PTPRD: variants seen among roughly 807,000 people sequenced by gnomAD.
The protein encoded by PTPRD is receptor-type tyrosine-protein phosphatase delta.
Under a neutral mutation model 214.5 loss-of-function variants are expected in PTPRD, and 34 were observed. The observed-to-expected ratio is 0.16, with a 90% CI of 0.12 to 0.21. PTPRD has a LOEUF of 0.21. Among genes scored for constraint, PTPRD ranks in the 10% least tolerant of loss-of-function variants. The probability of loss-of-function intolerance (pLI) is 1.00; values close to 1 mark genes in which losing one functional copy is unlikely to be tolerated. For synonymous variants in PTPRD, 1,128 were observed against 845.7 expected, an observed-to-expected ratio of 1.33 and a Z score of -5.79; for missense variants, 2,545 against 2,398.7, an observed-to-expected ratio of 1.06 and a Z score of -1.27.
intron 11 of PTPRD, among the ~76,000 whole-genome samples, chr9:8,800,987 T>C (rs1398504915): frequency 2.0e-5 from 3 of 152,234 alleles, no homozygotes; most frequent in Admixed American, 6.5e-5. Flanking sequence ...GGGGCTATGA[T>C]ACAAATACTT....
intron 9 of PTPRD, among the ~76,000 whole-genome samples, chr9:9,298,238 G>A (rs1013355557): frequency 1.3e-5 from 2 of 151,592 alleles, no homozygotes; most frequent in Non-Finnish European, 3.0e-5. Context: ...AGAAACAAAT[G>A]CAAGCAGAGT....
chr9:8,352,311 C>T (rs1170776775), intron 39 of PTPRD, among the ~76,000 whole-genome samples: 1 of 152,166 alleles, frequency 6.6e-6, no homozygotes, highest in Non-Finnish European at 1.5e-5. Flanking sequence ...ATGGATAGAG[C>T]AGACTCAGCT....
At chr9:8,439,068 C>T (rs1317315757) in intron 34 of PTPRD, among the ~76,000 whole-genome samples, 4 of 152,024 alleles carry the variant, frequency 2.6e-5, no homozygotes, top group Non-Finnish European at 4.4e-5. Context: ...ATTAAAGAAT[C>T]GCTACATAAA....
In PTPRD at chr9:8,332,300, C is replaced by G. The variant is rs186524436; in HGVS notation, c.5380-564G>C. On this transcript the variant is annotated intron_variant, in intron 43 of 45. Coordinates refer to ENST00000381196, the MANE Select transcript of PTPRD (RefSeq NM_002839.4). ...ATGGTGAAATTTAAAGTATCTGACACAAACCCGGTAGTTGCTGTTAACCTG... is the reference window on the plus strand; with the variant it reads ...ATGGTGAAATTTAAAGTATCTGACAGAAACCCGGTAGTTGCTGTTAACCTG... 1.1e-3 allele frequency among the ~76,000 whole-genome samples: 167 copies of G among 152,214 alleles called. 1 individual carries two copies. The highest frequency in any genetic ancestry group is 3.9e-3 in the African/African-American group (164 of 41,566).
chr9:8,401,974 T>C (rs2092451930), intron 36 of PTPRD, among the ~76,000 whole-genome samples: 1 of 152,226 alleles, frequency 6.6e-6, no homozygotes, highest in Non-Finnish European at 1.5e-5. Context: ...GGCCCTGTAT[T>C]ATCAAAGCTG....
At position 8,856,583 on chromosome 9, in the gene PTPRD, C is replaced by T. The variant is rs541978607; in HGVS notation, c.-103-122637G>A. 1.8e-3 allele frequency among the ~76,000 whole-genome samples: 280 copies of T among 152,166 alleles called. 1 individual carries two copies. The highest frequency in any genetic ancestry group is 3.4e-3 in the Middle Eastern group (1 of 294). ...TAAGAGGAAATACAAGGAGAACGAG[C>T]CCTCAGGAATCTTCCTAGATACTTA... On this transcript the variant is annotated intron_variant, in intron 11 of 45. Coordinates refer to ENST00000381196, the MANE Select transcript of PTPRD (RefSeq NM_002839.4).
chr9:10,232,288 T>C (rs888544958), intron 3 of PTPRD, among the ~76,000 whole-genome samples: 2 of 151,976 alleles, frequency 1.3e-5, no homozygotes, highest in African/African-American at 4.8e-5. Flanking sequence ...TGACAGGTTC[T>C]TAATGAGATA....
chr9:10,216,652 A>T (rs2099542528), intron 3 of PTPRD, among the ~76,000 whole-genome samples: 2 of 152,018 alleles, frequency 1.3e-5, no homozygotes, highest in Non-Finnish European at 2.9e-5. Flanking sequence ...GATGCTTATA[A>T]AACTTATTCT....
chr9:9,345,377 A>G (rs2137658999), intron 9 of PTPRD, among the ~76,000 whole-genome samples: 1 of 152,160 alleles, frequency 6.6e-6, no homozygotes, highest in East Asian at 1.9e-4. Context: ...TTTGATCAGT[A>G]TGAGACATGG....
At chr9:8,861,923 A>G (rs2098113921) in intron 11 of PTPRD, 1 of 152,218 alleles carries the variant, frequency 6.6e-6, no homozygotes, top group Non-Finnish European at 1.5e-5. Flanking sequence ...CATAAATGAA[A>G]CAATAATAGT....
intron 5 of PTPRD, among the ~76,000 whole-genome samples, chr9:9,784,438 G>C (rs540019771): frequency 5.9e-5 from 9 of 152,094 alleles, no homozygotes; most frequent in Non-Finnish European, 1.3e-4. Flanking sequence ...GAAGGAAAAA[G>C]ATATTATTTT....
intron 2 of PTPRD, among the ~76,000 whole-genome samples, chr9:10,424,172 G>A (rs1274506728): frequency 6.6e-6 from 1 of 151,906 alleles, no homozygotes; most frequent in Non-Finnish European, 1.5e-5. Context: ...AATGAAAATA[G>A]ATTAACATTA....
intron 3 of PTPRD, among the ~76,000 whole-genome samples, chr9:10,194,261 A>G (rs2154325197): frequency 6.6e-6 from 1 of 150,960 alleles, no homozygotes; most frequent in South Asian, 2.1e-4. Context: ...AATATCAAAT[A>G]CATTAATCCA....
intron 14 of PTPRD, among the ~76,000 whole-genome samples, chr9:8,616,024 A>G (rs2095600375): frequency 6.6e-6 from 1 of 152,144 alleles, no homozygotes; most frequent in African/African-American, 2.4e-5. Flanking sequence ...TTTCCCCAAA[A>G]TTTAAAAAGA....
intron 8 of PTPRD, among the ~76,000 whole-genome samples, chr9:9,400,359 C>T (rs1369435834): frequency 6.6e-6 from 1 of 151,780 alleles, no homozygotes; most frequent in Non-Finnish European, 1.5e-5. Context: ...ATTTAAATGT[C>T]CCCAGTATCT....
chr9:9,766,094 A>T (rs1291192273), intron 6 of PTPRD, among the ~76,000 whole-genome samples: 1 of 152,204 alleles, frequency 6.6e-6, no homozygotes, highest in Admixed American at 6.5e-5. Context: ...GACTGTCCTC[A>T]GGAATCTTAG....
chr9:8,377,696 G>A (rs532286759), intron 37 of PTPRD, among the ~76,000 whole-genome samples: 1 of 151,934 alleles, frequency 6.6e-6, no homozygotes, highest in Admixed American at 6.6e-5. Flanking sequence ...TTACAATAGG[G>A]AATACACCTT....
chr9:9,428,410 A>C (rs148326517), intron 8 of PTPRD, among the ~76,000 whole-genome samples: 11,477 of 152,202 alleles, frequency 0.075, 485 homozygotes, highest in Middle Eastern at 0.17. Flanking sequence ...AAGCAAGTCC[A>C]TAGAGACCTA....
chr9:10,578,297 T>C (rs2070297945), intron 2 of PTPRD, among the ~76,000 whole-genome samples: 1 of 152,108 alleles, frequency 6.6e-6, no homozygotes, highest in Non-Finnish European at 1.5e-5. Context: ...TGATTTGAGT[T>C]TAGGAAGATA....
Sources: allele counts gnomAD v4.1 joint callset (sites outside exome capture counted in the v4.1 genomes callset), GRCh38; gene constraint gnomAD v4.1.1; transcripts MANE v1.5; gene names NCBI Gene and HGNC (gene_info 2026-07-23, HGNC 2026-07-21).